RARG: variants seen among roughly 807,000 people sequenced by gnomAD.
RARG encodes the protein RAR-gamma.
In RARG, 17 loss-of-function variants were observed where a neutral mutation model predicts 43.7. The ratio of observed to expected loss-of-function variants is 0.39; its 90% CI spans 0.27 to 0.58. The LOEUF (loss-of-function observed/expected upper bound fraction) is 0.58, where lower values mean the gene tolerates loss of function less well. Ranked by LOEUF, RARG falls within the 20% of genes least tolerant of loss-of-function variation. The pLI is 0.57. For synonymous variants in RARG, 238 were observed against 236.4 expected (o/e 1.01, Z -0.06); for missense variants, 346 against 598.7 (o/e 0.58, Z 4.40).
At position 53,214,615 on chromosome 12, in the gene RARG, T is replaced by C. The variant is rs777235309; in HGVS notation, c.476-9A>G. On this transcript the variant is annotated splice_polypyrimidine_tract_variant and intron_variant, in intron 5 of 9. Coordinates refer to ENST00000425354, the MANE Select transcript of RARG (RefSeq NM_000966.6). ...CCGGTCATTTCGCACAGCTTGTGGG[T>C]GGAGGCGCAAGGAGAGGGTCAGGAC... 1.6e-5 allele frequency: 25 copies of C among 1,595,036 alleles called. No homozygotes were observed. The East Asian group carries it at 5.6e-4, about 36-fold the overall frequency.
At chr12:53,221,863 C>G (rs569407364) in intron 3 of RARG, among the ~76,000 whole-genome samples, 1,586 of 151,868 alleles carry the variant, frequency 0.01, 21 homozygotes, top group African/African-American at 0.034. Context: ...CCCCGCCAGG[C>G]GGCTGTGGCT....
At chr12:53,221,877 C>T (rs1302552192) in intron 3 of RARG, among the ~76,000 whole-genome samples, 1 of 151,734 alleles carries the variant, frequency 6.6e-6, no homozygotes, top group Non-Finnish European at 1.5e-5. Flanking sequence ...TGTGGCTGGG[C>T]CAGGGCGGGG....
chr12:53,216,923 C>A (rs1189432352), intron 3 of RARG, among the ~76,000 whole-genome samples: 1 of 151,612 alleles, frequency 6.6e-6, no homozygotes, highest in Non-Finnish European at 1.5e-5. Flanking sequence ...GGACCTGTTG[C>A]CCAAACCTGG....
rs1942591916 is a variant in RARG at position 53,211,679 on chromosome 12, G to A, written c.1362C>T (p.Ala454=). The change falls in exon 10 of 10, where the codon GCC becomes GCT. Residue 454 remains alanine (A), a synonymous_variant. Transcript: ENST00000425354. The surrounding 1 kb of genome is among the most constrained non-coding windows in gnomAD (Gnocchi z 4.6). The stretch of plus-strand genomic sequence containing the variant: ...GCGGGGAGGTCAGGGGCCCTGGTCA[G>A]GCTGGGGACTTCAGGCCCCCTTTGC... The part of the protein sequence containing the change: ...GQGKGGLKSP[A] 3 of 1,511,492 alleles carry A rather than the reference G, an allele frequency of 2.0e-6. No individual in the cohort carries two copies. In the South Asian group the frequency reaches 3.8e-5, roughly 19 times the overall value. 93.6% of individuals were successfully genotyped at this position (1,511,492 alleles called of 1,614,324 possible).
At chr12:53,221,088 G>T (rs979388064) in intron 3 of RARG, among the ~76,000 whole-genome samples, 1 of 151,574 alleles carries the variant, frequency 6.6e-6, no homozygotes, top group African/African-American at 2.4e-5. Flanking sequence ...GCGGGTGGCC[G>T]AGCGCGCTCA....
At chr12:53,221,053 G>C (rs868150255) in intron 3 of RARG, among the ~76,000 whole-genome samples, 6 of 151,906 alleles carry the variant, frequency 3.9e-5, no homozygotes, top group Non-Finnish European at 7.4e-5. Flanking sequence ...CTCCCGCCGT[G>C]AACTCTCTGG....
intron 3 of RARG, among the ~76,000 whole-genome samples, chr12:53,218,068 G>A (rs957534338): frequency 2.0e-5 from 3 of 152,016 alleles, no homozygotes; most frequent in South Asian, 2.1e-4. Context: ...CACCGTGGAG[G>A]TAGATGTACC....
At chr12:53,231,736 C>T (rs888355984) in intron 1 of RARG, among the ~76,000 whole-genome samples, 1 of 152,268 alleles carries the variant, frequency 6.6e-6, no homozygotes, top group Non-Finnish European at 1.5e-5. Context: ...CTGCTATGCA[C>T]CAAAATGAAG....
At position 53,215,819 on chromosome 12, in the gene RARG, G is replaced by C. The variant is rs1387754391; in HGVS notation, c.185-25C>G. On this transcript the variant is annotated intron_variant, in intron 3 of 9. Coordinates refer to ENST00000425354, the MANE Select transcript of RARG (RefSeq NM_000966.6). The surrounding 1 kb of genome is among the most constrained non-coding windows in gnomAD (Gnocchi z 6.4). ...GCTGGGAGGGAAGCAGTGATGTGAG[G>C]GTCAGGGGAGAAGGACCCCACAGAC... The C allele has an allele frequency of 1.3e-6, 2 of 1,574,688 alleles. No homozygotes were observed. The highest frequency in any genetic ancestry group is 1.7e-6 in the Non-Finnish European group (2 of 1,158,466).
intron 3 of RARG, among the ~76,000 whole-genome samples, chr12:53,221,204 C>G (rs944519141): frequency 1.3e-5 from 2 of 151,474 alleles, no homozygotes; most frequent in Admixed American, 6.6e-5. Flanking sequence ...CCTCCTAGCC[C>G]GAGCAGTCCG....
At position 53,213,648 on chromosome 12, in the gene RARG, GAGA is replaced by G; in HGVS notation, c.863_865del (p.Phe288del). On this transcript the variant is annotated inframe_deletion, in exon 8 of 10. Transcript: ENST00000425354. The surrounding 1 kb of genome is among the most constrained non-coding windows in gnomAD (Gnocchi z 4.7). The stretch of plus-strand genomic sequence containing the variant: ...GGTCCGGTTCAGGGTCAGCCCGTCG[GAGA>G]AGGTCATGGTGTCCTGCTCTGGGGT... 1 of 1,614,090 alleles carries G rather than the reference GAGA, an allele frequency of 6.2e-7. No individual in the cohort carries two copies. The highest frequency in any genetic ancestry group is 8.5e-7 in the Non-Finnish European group (1 of 1,179,942).
intron 2 of RARG, among the ~76,000 whole-genome samples, chr12:53,230,858 TGTG>T (rs1195053795): frequency 1.4e-4 from 21 of 151,552 alleles, no homozygotes; most frequent in African/African-American, 5.1e-4. Context: ...TGTGTGTGTG[TGTG>T]TGTGTGTGTG....
intron 3 of RARG, among the ~76,000 whole-genome samples, chr12:53,219,243 C>A (rs928401995): frequency 1.3e-5 from 2 of 152,238 alleles, no homozygotes; most frequent in African/African-American, 4.8e-5. Context: ...GTAATCTCTG[C>A]ATATAACCGC....
At chr12:53,220,973 T>A (rs1050668387) in intron 3 of RARG, among the ~76,000 whole-genome samples, 2 of 151,614 alleles carry the variant, frequency 1.3e-5, no homozygotes, top group African/African-American at 4.8e-5. Flanking sequence ...AGTGCATTCC[T>A]GCGGCTCGGC....
At chr12:53,229,745 A>G in intron 2 of RARG, 1 of 159,574 alleles carries the variant, frequency 6.3e-6, no homozygotes, top group Non-Finnish European at 1.3e-5. Flanking sequence ...GTGAGAAGCT[A>G]CTAGAGGACT....
intron 3 of RARG, among the ~76,000 whole-genome samples, chr12:53,225,930 G>A (rs1017157592): frequency 6.6e-6 from 1 of 152,142 alleles, no homozygotes; most frequent in South Asian, 2.1e-4. Context: ...GATCCACATC[G>A]CTGGAGGAGA....
intron 3 of RARG, among the ~76,000 whole-genome samples, chr12:53,223,653 T>C (rs1401582210): frequency 1.3e-5 from 2 of 152,174 alleles, no homozygotes; most frequent in Non-Finnish European, 2.9e-5. Flanking sequence ...CTGGGGTTTT[T>C]TCCTGGAGGA....
chr12:53,222,246 AAG>A (rs936360753), intron 3 of RARG, among the ~76,000 whole-genome samples: 11 of 151,696 alleles, frequency 7.3e-5, no homozygotes, highest in Non-Finnish European at 1.3e-4. Flanking sequence ...AAAGAAAAGA[AAG>A]AGAAAGAAAG....
In RARG at chr12:53,214,027, G is replaced by A. The variant is rs768375327; in HGVS notation, c.813+32C>T. 3.1e-6 allele frequency: 5 copies of A among 1,589,940 alleles called. No homozygotes were observed. In the African/African-American group the frequency reaches 6.7e-5, roughly 21 times the overall value. The stretch of plus-strand genomic sequence containing the variant: ...TGTTGAGGGTCCCATATGTGGGTCG[G>A]GCTGTGGCAGGACCCACAGGGCCTA... On this transcript the variant is annotated intron_variant, in intron 7 of 9. Transcript: ENST00000425354.
Sources: gnomAD v4.1 joint callset for allele counts (sites outside exome capture counted in the v4.1 genomes callset) on GRCh38, gnomAD v4.1.1 for gene constraint, Gnocchi (gnomAD v3.1) non-coding constraint, MANE v1.5 for transcripts, NCBI Gene and HGNC (gene_info 2026-07-23, HGNC 2026-07-21) for gene names.